The following GALNT18 variants were observed in gnomAD, a reference collection of about 807,000 sequenced individuals.
GALNT18 encodes the protein polypeptide N-acetylgalactosaminyltransferase 18.
GALNT18 carries 44 observed loss-of-function variants against 69.5 expected under a neutral mutation model. That is an observed-to-expected ratio of 0.63 (90% CI 0.50 to 0.81). The LOEUF (loss-of-function observed/expected upper bound fraction) is 0.81, where lower values mean the gene tolerates loss of function less well. GALNT18 is among the 40% of genes least tolerant of loss of function. GALNT18 has a pLI of 0.00. For synonymous variants in GALNT18, 364 were observed against 318.2 expected (o/e 1.14, Z -1.53); for missense variants, 715 against 810.0 (o/e 0.88, Z 1.42).
At chr11:11,335,435 G>A (rs1850095710) in intron 7 of GALNT18, among the ~76,000 whole-genome samples, 1 of 152,138 alleles carries the variant, frequency 6.6e-6, no homozygotes, top group Admixed American at 6.5e-5. Flanking sequence ...GGCATATATT[G>A]AGAAGAAAGT....
intron 1 of GALNT18, among the ~76,000 whole-genome samples, chr11:11,570,424 G>C (rs766327376): frequency 3.3e-5 from 5 of 152,186 alleles, no homozygotes; most frequent in Non-Finnish European, 7.3e-5. Context: ...CTCTGCGCAC[G>C]ACCCAAGCCT....
At chr11:11,424,038 G>A (rs996259627) in intron 3 of GALNT18, among the ~76,000 whole-genome samples, 4 of 152,318 alleles carry the variant, frequency 2.6e-5, no homozygotes, top group South Asian at 4.1e-4. Flanking sequence ...TCCAGCCCGG[G>A]CCAGTGGCAG....
In GALNT18 at chr11:11,500,154, A is replaced by G. The variant is rs1351469398; in HGVS notation, c.236-51218T>C. 6.6e-6 allele frequency among the ~76,000 whole-genome samples: 1 copy of G among 152,186 alleles called. No homozygotes were observed. Among genetic ancestry groups the G allele is most frequent in the Admixed American group, 6.5e-5 (1 of 15,282 alleles). ...AAAGACTTAATTAGCAACCTCAAAT[A>G]GGATCTCAAAGCAAGTGATAAGGAA... On this transcript the variant is annotated intron_variant, in intron 1 of 10. Transcript: ENST00000227756. This position sits in a 1 kb window ranked among gnomAD's most constrained non-coding sequence, Gnocchi z 5.0.
In GALNT18 at chr11:11,445,600, C is replaced by A. The variant is rs919637210; in HGVS notation, c.428+3144G>T. Among the ~76,000 whole-genome samples, 6 of 152,204 alleles carry A rather than the reference C, an allele frequency of 3.9e-5. No individual in the cohort carries two copies. The South Asian group carries it at 1.0e-3, about 26-fold the overall frequency. ...TGTGGTCCACCAACAGCTCTCCAATCTTGGGCGTGCGTCTGGCACGTGAGC... is the reference window on the plus strand; with the variant it reads ...TGTGGTCCACCAACAGCTCTCCAATATTGGGCGTGCGTCTGGCACGTGAGC... On this transcript the variant is annotated intron_variant, in intron 2 of 10. Coordinates refer to ENST00000227756, the MANE Select transcript of GALNT18 (RefSeq NM_198516.3).
At chr11:11,406,189 T>C (rs898157854) in intron 3 of GALNT18, among the ~76,000 whole-genome samples, 1 of 152,244 alleles carries the variant, frequency 6.6e-6, no homozygotes, top group African/African-American at 2.4e-5. Context: ...ATAATAGCCA[T>C]ATTTTCCAAG....
At chr11:11,306,805 G>T (rs548380696) in intron 9 of GALNT18, among the ~76,000 whole-genome samples, 1 of 149,772 alleles carries the variant, frequency 6.7e-6, no homozygotes, top group African/African-American at 2.5e-5. Flanking sequence ...ATGTGACTGC[G>T]CAGCTCTTCC....
chr11:11,445,194 C>T (rs535206072), intron 2 of GALNT18, among the ~76,000 whole-genome samples: 20 of 152,316 alleles, frequency 1.3e-4, no homozygotes, highest in African/African-American at 4.3e-4. Flanking sequence ...TGGTTACATG[C>T]ACAAATTCTA....
intron 9 of GALNT18, among the ~76,000 whole-genome samples, chr11:11,302,962 G>T (rs1323570440): frequency 6.6e-6 from 1 of 152,178 alleles, no homozygotes; most frequent in East Asian, 1.9e-4. Flanking sequence ...GCCTCTCCTG[G>T]ATATAGGACA....
At chr11:11,399,064 A>ATG (rs1854398285) in intron 3 of GALNT18, among the ~76,000 whole-genome samples, 1 of 152,178 alleles carries the variant, frequency 6.6e-6, no homozygotes, top group Admixed American at 6.5e-5. Context: ...TACTCTTGCA[A>ATG]TGTGATAGTA....
rs145313733 is a variant in GALNT18, at chr11:11,496,069, A to T, written c.236-47133T>A. Among the ~76,000 whole-genome samples the T allele has an allele frequency of 3.0e-3, 458 of 152,352 alleles. 1 individual carries two copies. The highest frequency in any genetic ancestry group is 0.011 in the African/African-American group (443 of 41,588). ...AACTGAGGCTCAGGAAGAACAAGTAACTTGTCTAAGGACACACAGCAAAGA... is the reference window on the plus strand; with the variant it reads ...AACTGAGGCTCAGGAAGAACAAGTATCTTGTCTAAGGACACACAGCAAAGA... On this transcript the variant is annotated intron_variant, in intron 1 of 10. Coordinates refer to ENST00000227756, the MANE Select transcript of GALNT18 (RefSeq NM_198516.3). This position sits in a 1 kb window ranked among gnomAD's most constrained non-coding sequence, Gnocchi z 4.0.
At position 11,580,564 on chromosome 11, in the gene GALNT18, A is replaced by G. The variant is rs370472573; in HGVS notation, c.235+40795T>C. ...GCTCAGCCACTGGAGTTGTAGATTAATGAGACCTCCGCACAGAAATACTAT... is the reference window on the plus strand; with the variant it reads ...GCTCAGCCACTGGAGTTGTAGATTAGTGAGACCTCCGCACAGAAATACTAT... On this transcript the variant is annotated intron_variant, in intron 1 of 10. Coordinates refer to ENST00000227756, the MANE Select transcript of GALNT18 (RefSeq NM_198516.3). Among the ~76,000 whole-genome samples the G allele has an allele frequency of 6.6e-5, 10 of 152,380 alleles. No homozygotes were observed. In the South Asian group the frequency reaches 1.9e-3, roughly 28 times the overall value.
At chr11:11,281,495 T>C (rs923780000) in intron 10 of GALNT18, among the ~76,000 whole-genome samples, 2 of 152,202 alleles carry the variant, frequency 1.3e-5, no homozygotes, top group Non-Finnish European at 2.9e-5. Flanking sequence ...CAGCTCATCC[T>C]TGGGGCCGGC....
intron 6 of GALNT18, among the ~76,000 whole-genome samples, chr11:11,370,612 T>G (rs1850879341): frequency 6.6e-6 from 1 of 151,476 alleles, no homozygotes; most frequent in Non-Finnish European, 1.5e-5. Flanking sequence ...CCAGATATCA[T>G]TGCCAACTGT....
chr11:11,590,790 T>A lies in GALNT18; in HGVS notation c.235+30569A>T, dbSNP rs1370119309. Among the ~76,000 whole-genome samples, 5 of 152,166 alleles carry A rather than the reference T, an allele frequency of 3.3e-5. No homozygotes were observed. Among genetic ancestry groups the A allele is most frequent in the Non-Finnish European group, 7.4e-5 (5 of 68,020 alleles). ...CAGCCATCCTTATGTCACAGCACAATGCATTCCTCAGGTGTTTGTGGTGAT... is the reference window on the plus strand; with the variant it reads ...CAGCCATCCTTATGTCACAGCACAAAGCATTCCTCAGGTGTTTGTGGTGAT... On this transcript the variant is annotated intron_variant, in intron 1 of 10. Coordinates refer to ENST00000227756, the MANE Select transcript of GALNT18 (RefSeq NM_198516.3). This position sits in a 1 kb window ranked among gnomAD's most constrained non-coding sequence, Gnocchi z 4.4.
chr11:11,442,902 C>T (rs950996351), intron 2 of GALNT18, among the ~76,000 whole-genome samples: 8 of 152,206 alleles, frequency 5.3e-5, no homozygotes, highest in African/African-American at 1.7e-4. Context: ...TGATAAGGCT[C>T]AGGAGCCTCT....
intron 1 of GALNT18, among the ~76,000 whole-genome samples, chr11:11,589,835 G>A (rs1380430432): frequency 6.6e-6 from 1 of 152,168 alleles, no homozygotes; most frequent in Non-Finnish European, 1.5e-5. Context: ...GGAAGGGAAA[G>A]GGAGAGCAGT....
At chr11:11,575,172 C>A (rs1400962820) in intron 1 of GALNT18, among the ~76,000 whole-genome samples, 1 of 152,138 alleles carries the variant, frequency 6.6e-6, no homozygotes, top group African/African-American at 2.4e-5. Context: ...CAGTCCATTG[C>A]ATCTGTAAGC....
chr11:11,508,513 G>A (rs762194203), intron 1 of GALNT18, among the ~76,000 whole-genome samples: 11 of 152,190 alleles, frequency 7.2e-5, no homozygotes, highest in South Asian at 6.2e-4. Context: ...TACTTCATTC[G>A]TTTGTAATTA....
intron 3 of GALNT18, among the ~76,000 whole-genome samples, chr11:11,426,464 T>G (rs765428777): frequency 6.6e-6 from 1 of 152,154 alleles, no homozygotes; most frequent in Non-Finnish European, 1.5e-5. Flanking sequence ...AAATGCAGGT[T>G]TCAGGCCTTG....
Sources: gnomAD v4.1 joint callset for allele counts (sites outside exome capture counted in the v4.1 genomes callset) on GRCh38, gnomAD v4.1.1 for gene constraint, Gnocchi (gnomAD v3.1) non-coding constraint, MANE v1.5 for transcripts, NCBI Gene and HGNC (gene_info 2026-07-23, HGNC 2026-07-21) for gene names.